The following FOXP2 variants were observed in gnomAD, a reference collection of about 807,000 sequenced individuals.
FOXP2 encodes the protein forkhead box P2.
In FOXP2, 12 loss-of-function variants were observed where a neutral mutation model predicts 115.8. The observed-to-expected ratio is 0.10, with a 90% CI of 0.07 to 0.17. FOXP2 has a LOEUF of 0.17. Among genes scored for constraint, FOXP2 ranks in the 10% least tolerant of loss-of-function variants. FOXP2 has a pLI of 1.00. For missense variants in FOXP2, 629 were observed against 843.5 expected, an observed-to-expected ratio of 0.75 and a Z score of 3.15; for synonymous variants, 328 against 297.7, an observed-to-expected ratio of 1.10 and a Z score of -1.05.
intron 2 of FOXP2, among the ~76,000 whole-genome samples, chr7:114,478,614 G>A (rs1796390331): frequency 6.6e-6 from 1 of 151,794 alleles, no homozygotes; most frequent in African/African-American, 2.4e-5. Flanking sequence ...TATGCTGCTA[G>A]TTATTTCTAG....
chr7:114,638,648 A>T (rs1018356066), intron 6 of FOXP2, among the ~76,000 whole-genome samples: 35 of 152,242 alleles, frequency 2.3e-4, no homozygotes, highest in African/African-American at 7.5e-4. Flanking sequence ...TCCCCCCAAA[A>T]TTATCTGTGC....
chr7:114,580,657 A>C (rs1025814015), intron 3 of FOXP2, among the ~76,000 whole-genome samples: 1 of 152,156 alleles, frequency 6.6e-6, no homozygotes, highest in East Asian at 1.9e-4. Context: ...TTTTAAAAGC[A>C]TGTTGACAAT....
At chr7:114,311,245 T>A (rs1797141088) in intron 2 of FOXP2, among the ~76,000 whole-genome samples, 1 of 152,174 alleles carries the variant, frequency 6.6e-6, no homozygotes, top group Admixed American at 6.5e-5. Flanking sequence ...CATGACTGAC[T>A]GACCTGTTGT....
chr7:114,653,417 C>CATTAAAAAATG, intron 9 of FOXP2: 1 of 184,008 alleles, frequency 5.4e-6, no homozygotes, highest in South Asian at 1.2e-4. Flanking sequence ...TTCAGCGTTT[C>CATTAAAAAATG]ACACTGCCTG....
chr7:114,512,189 T>G (rs1798110978), intron 2 of FOXP2, among the ~76,000 whole-genome samples: 1 of 152,170 alleles, frequency 6.6e-6, no homozygotes, highest in East Asian at 1.9e-4. Flanking sequence ...TTGCAAGACC[T>G]TCTCAAAGTG....
chr7:114,293,421 G>C (rs1443433153), intron 2 of FOXP2, among the ~76,000 whole-genome samples: 1 of 152,108 alleles, frequency 6.6e-6, no homozygotes, highest in African/African-American at 2.4e-5. Flanking sequence ...AAACAGCCAG[G>C]AAGGAGCCCA....
rs540286743 is a variant in FOXP2, at chr7:114,522,439, T to C, written c.169-12178T>C. Among the ~76,000 whole-genome samples, 15 of 152,298 alleles carry C rather than the reference T, an allele frequency of 9.8e-5. No homozygotes were observed. The South Asian group carries it at 2.9e-3, about 29-fold the overall frequency. ...TTTCCTACAAGCAAGAATCCTTCCT[T>C]GGTCTTCCAGCTACTGGCTCTTAAA... On this transcript the variant is annotated intron_variant, in intron 2 of 16. Transcript: ENST00000350908.
At position 114,270,119 on chromosome 7, in the gene FOXP2, T is replaced by C. The variant is rs554738660; in HGVS notation, c.-101-17900T>C. On this transcript the variant is annotated intron_variant, in intron 1 of 17. Coordinates refer to the FOXP2 transcript ENST00000634411. The stretch of plus-strand genomic sequence containing the variant: ...ATTCTTTCACTTAATAATATACGTT[T>C]AAGGTTTTTCCATGTCTTTCCATGG... Among the ~76,000 whole-genome samples, 3 of 152,332 alleles carry C rather than the reference T, an allele frequency of 2.0e-5. No homozygotes were observed. In the South Asian group the frequency reaches 6.2e-4, roughly 32 times the overall value.
intron 2 of FOXP2, among the ~76,000 whole-genome samples, chr7:114,401,536 G>A (rs1792886967): frequency 6.6e-6 from 1 of 152,068 alleles, no homozygotes; most frequent in Non-Finnish European, 1.5e-5. Flanking sequence ...TGCTGGGTCG[G>A]CATTATCAAT....
rs146633449 is a variant in FOXP2 at position 114,213,098 on chromosome 7, T to C, written c.-102+50010T>C. ...GGCAGTCAGGAATTTTAGATTTCTC[T>C]GTTAGTGGTATTTGTTACATACACT... On this transcript the variant is annotated intron_variant, in intron 1 of 17. Transcript: ENST00000634411. 1.1e-4 allele frequency among the ~76,000 whole-genome samples: 17 copies of C among 152,334 alleles called. No homozygotes were observed. In the East Asian group the frequency reaches 3.1e-3, roughly 28 times the overall value.
chr7:114,497,681 A>G (rs145701754), intron 2 of FOXP2, among the ~76,000 whole-genome samples: 5 of 143,644 alleles, frequency 3.5e-5, no homozygotes, highest in African/African-American at 8.7e-5. Context: ...AAATAAATAA[A>G]TAAATAAATA....
chr7:114,378,703 G>GAAAAAAAAAAAAAAAAAAAAAAAAAAA (rs1792203473), intron 2 of FOXP2, among the ~76,000 whole-genome samples: 5 of 36,252 alleles, frequency 1.4e-4, no homozygotes, highest in East Asian at 7.0e-4. Context: ...AAAAAAAAAG[G>GAAAAAAAAAAAAAAAAAAAAAAAAAAA]AAAAGAAAAA....
At chr7:114,438,029 T>C (rs1223307129) in intron 2 of FOXP2, among the ~76,000 whole-genome samples, 1 of 152,228 alleles carries the variant, frequency 6.6e-6, no homozygotes, top group Non-Finnish European at 1.5e-5. Flanking sequence ...TATTCTGGAA[T>C]ATATTGGGTT....
chr7:114,310,210 T>C (rs1161864638), intron 2 of FOXP2, among the ~76,000 whole-genome samples: 2 of 152,332 alleles, frequency 1.3e-5, no homozygotes, highest in East Asian at 1.9e-4. Flanking sequence ...GGAAAGTCTA[T>C]AAACTGAGGG....
intron 2 of FOXP2, among the ~76,000 whole-genome samples, chr7:114,386,582 C>G (rs988367510): frequency 2.6e-5 from 4 of 152,188 alleles, no homozygotes; most frequent in African/African-American, 9.6e-5. Context: ...ATTCATCCTT[C>G]TTGTCTTTCA....
intron 1 of FOXP2, among the ~76,000 whole-genome samples, chr7:114,287,043 A>G (rs1796482912): frequency 6.6e-6 from 1 of 151,958 alleles, no homozygotes; most frequent in Non-Finnish European, 1.5e-5. Context: ...TGAACACAGA[A>G]CTTCCTGTGG....
chr7:114,635,286 C>G (rs1805156602), intron 6 of FOXP2, among the ~76,000 whole-genome samples: 1 of 152,146 alleles, frequency 6.6e-6, no homozygotes, highest in Non-Finnish European at 1.5e-5. Context: ...GGATTTACTG[C>G]TTAATCAATG....
intron 2 of FOXP2, among the ~76,000 whole-genome samples, chr7:114,397,851 T>C (rs1359615151): frequency 6.6e-6 from 1 of 152,184 alleles, no homozygotes; most frequent in Non-Finnish European, 1.5e-5. Context: ...AGACCAGAGA[T>C]GGTGCTTTAA....
At chr7:114,337,313 G>A (rs1482384304) in intron 2 of FOXP2, among the ~76,000 whole-genome samples, 2 of 151,474 alleles carry the variant, frequency 1.3e-5, no homozygotes, top group African/African-American at 4.8e-5. Context: ...AAGTGTGTCA[G>A]TGAAAGTTTA....
Sources: allele counts gnomAD v4.1 joint callset (sites outside exome capture counted in the v4.1 genomes callset), GRCh38; gene constraint gnomAD v4.1.1; transcripts MANE v1.5; gene names NCBI Gene and HGNC (gene_info 2026-07-23, HGNC 2026-07-21).